The following GMDS variants were observed in gnomAD, a reference collection of about 807,000 sequenced individuals.
GMDS encodes GDP-mannose 4,6-dehydratase.
Under a neutral mutation model 49.9 loss-of-function variants are expected in GMDS, and 20 were observed. That is an observed-to-expected ratio of 0.40 (90% confidence interval 0.28 to 0.58). GMDS has a LOEUF of 0.58. Ranked by LOEUF, GMDS falls within the 20% of genes least tolerant of loss-of-function variation. GMDS has a pLI of 0.42. For synonymous variants in GMDS, 177 were observed against 178.6 expected (o/e 0.99, Z 0.07); for missense variants, 362 against 481.4 (o/e 0.75, Z 2.32).
chr6:1,865,671 T>C (rs1758408049), intron 7 of GMDS, among the ~76,000 whole-genome samples: 1 of 152,030 alleles, frequency 6.6e-6, no homozygotes, highest in African/African-American at 2.4e-5. Flanking sequence ...GAAGCAAAAA[T>C]AACGCTGAAT....
intron 4 of GMDS, among the ~76,000 whole-genome samples, chr6:2,084,592 C>T (rs945123905): frequency 2.0e-5 from 3 of 152,184 alleles, no homozygotes; most frequent in South Asian, 2.1e-4. Context: ...CTGCAAGCTC[C>T]GCCTCCCGGG....
intron 1 of GMDS, among the ~76,000 whole-genome samples, chr6:2,139,114 G>A (rs1173498055): frequency 2.6e-5 from 4 of 152,052 alleles, no homozygotes; most frequent in Non-Finnish European, 2.9e-5. Flanking sequence ...ACACTACTTG[G>A]GTGACAGGTA....
At position 1,624,107 on chromosome 6, in the gene GMDS, G is replaced by A. The variant is rs561815374; in HGVS notation, c.*62C>T. The A allele has an allele frequency of 1.0e-5, 15 of 1,442,796 alleles. No homozygotes were observed. Among genetic ancestry groups the A allele is most frequent in the East Asian group, 6.8e-5 (3 of 44,062 alleles). 89.4% of individuals were successfully genotyped at this position (1,442,796 alleles called of 1,614,324 possible). ...ACGCCGCTCCCCATCCCCGCAGCGCGTCTGCACCGGAGACTCTGCGGGGAT... is the reference window on the plus strand; with the variant it reads ...ACGCCGCTCCCCATCCCCGCAGCGCATCTGCACCGGAGACTCTGCGGGGAT... On this transcript the variant is annotated 3_prime_UTR_variant, in exon 11 of 11. Transcript: ENST00000380815.
At chr6:2,128,952 T>C (rs1448209007) in intron 1 of GMDS, among the ~76,000 whole-genome samples, 1 of 152,186 alleles carries the variant, frequency 6.6e-6, no homozygotes. Flanking sequence ...CTGGTGGTTG[T>C]AGGTCCAGCT....
chr6:2,077,873 T>A (rs538064530), intron 4 of GMDS, among the ~76,000 whole-genome samples: 1 of 152,080 alleles, frequency 6.6e-6, no homozygotes, highest in Non-Finnish European at 1.5e-5. Context: ...TTCTTCTTTA[T>A]ACATATGGTA....
intron 7 of GMDS, among the ~76,000 whole-genome samples, chr6:1,767,619 G>GT (rs1768408786): frequency 6.6e-6 from 1 of 152,202 alleles, no homozygotes; most frequent in African/African-American, 2.4e-5. Flanking sequence ...TGCTGAAAAG[G>GT]TGACTTGAGT....
At chr6:2,194,926 C>T (rs566548750) in intron 1 of GMDS, among the ~76,000 whole-genome samples, 1 of 152,206 alleles carries the variant, frequency 6.6e-6, no homozygotes, top group Non-Finnish European at 1.5e-5. Flanking sequence ...AGTGATGTTC[C>T]GTGAATGCTG....
At chr6:1,978,680 C>A (rs890569860) in intron 4 of GMDS, among the ~76,000 whole-genome samples, 1 of 152,126 alleles carries the variant, frequency 6.6e-6, no homozygotes, top group African/African-American at 2.4e-5. Flanking sequence ...TGCCTGTGGG[C>A]CATGGAGAGC....
intron 7 of GMDS, among the ~76,000 whole-genome samples, chr6:1,773,342 T>A (rs1299125649): frequency 6.6e-6 from 1 of 151,596 alleles, no homozygotes; most frequent in Non-Finnish European, 1.5e-5. Flanking sequence ...ACAACTCTCT[T>A]CTCTTAACAA....
At chr6:1,956,314 G>C (rs1763636990) in intron 6 of GMDS, among the ~76,000 whole-genome samples, 1 of 152,184 alleles carries the variant, frequency 6.6e-6, no homozygotes, top group Non-Finnish European at 1.5e-5. Flanking sequence ...ATCTGCCTGT[G>C]TTACAATAAA....
intron 1 of GMDS, among the ~76,000 whole-genome samples, chr6:2,125,018 G>C (rs1775341959): frequency 6.6e-6 from 1 of 152,198 alleles, no homozygotes; most frequent in Non-Finnish European, 1.5e-5. Flanking sequence ...TCCAGAATCA[G>C]ATGGATTTGG....
chr6:1,851,955 C>T (rs541391482), intron 7 of GMDS, among the ~76,000 whole-genome samples: 3 of 152,152 alleles, frequency 2.0e-5, no homozygotes, highest in Non-Finnish European at 2.9e-5. Flanking sequence ...TGGGTACTAA[C>T]GTCTCAGCAC....
rs541404107 is a variant in GMDS at position 2,123,338 on chromosome 6, C to T, written c.147+1349G>A. 4.6e-5 allele frequency among the ~76,000 whole-genome samples: 7 copies of T among 152,312 alleles called. No individual in the cohort carries two copies. The South Asian group carries it at 8.3e-4, about 18-fold the overall frequency. On this transcript the variant is annotated intron_variant, in intron 2 of 10. Transcript: ENST00000380815. ...CCCTAAGAGTGGATCGCAACACTTG[C>T]GTGGTTTTGAGCATCACTTCTGACA...
intron 7 of GMDS, among the ~76,000 whole-genome samples, chr6:1,774,980 G>C (rs1768737596): frequency 6.6e-6 from 1 of 152,218 alleles, no homozygotes; most frequent in Non-Finnish European, 1.5e-5. Context: ...GAGCCTGCTC[G>C]ATGGCCTCCT....
chr6:1,965,459 TA>T (rs1327103110), intron 4 of GMDS, among the ~76,000 whole-genome samples: 1 of 152,148 alleles, frequency 6.6e-6, no homozygotes, highest in Non-Finnish European at 1.5e-5. Context: ...CAATATAAAG[TA>T]ACAAATTAAG....
chr6:2,204,157 A>G (rs1441094397), intron 1 of GMDS, among the ~76,000 whole-genome samples: 1 of 152,150 alleles, frequency 6.6e-6, no homozygotes, highest in Non-Finnish European at 1.5e-5. Flanking sequence ...TACATCATCA[A>G]TCACCACAGC....
rs372103620 is a variant in GMDS, at chr6:2,062,256, A to T, written c.345+53515T>A. ...GCACCTGAGAGTCCTGCATGGTTGC[A>T]TGCAGCAGTCGCTCTTCTGGGGCAT... On this transcript the variant is annotated intron_variant, in intron 4 of 10. Coordinates refer to ENST00000380815, the MANE Select transcript of GMDS (RefSeq NM_001500.4). Among the ~76,000 whole-genome samples, 6 of 152,320 alleles carry T rather than the reference A, an allele frequency of 3.9e-5. No individual in the cohort carries two copies. The East Asian group carries it at 1.2e-3, about 29-fold the overall frequency.
At chr6:1,962,626 C>T (rs1200359946) in intron 4 of GMDS, among the ~76,000 whole-genome samples, 2 of 152,004 alleles carry the variant, frequency 1.3e-5, no homozygotes, top group African/African-American at 4.8e-5. Context: ...TTTTCTTTTT[C>T]CTAATAAATA....
intron 4 of GMDS, among the ~76,000 whole-genome samples, chr6:2,101,685 A>T (rs1203296400): frequency 1.3e-5 from 2 of 152,224 alleles, no homozygotes; most frequent in East Asian, 1.9e-4. Context: ...GGGGGAAAAA[A>T]GGCAATTAAA....
Sources: gnomAD v4.1 joint callset for allele counts (sites outside exome capture counted in the v4.1 genomes callset) on GRCh38, gnomAD v4.1.1 for gene constraint, MANE v1.5 for transcripts, NCBI Gene and HGNC (gene_info 2026-07-23, HGNC 2026-07-21) for gene names.